The following LOXL2 variants were observed in gnomAD, a reference collection of about 807,000 sequenced individuals.
LOXL2 encodes lysyl oxidase homolog 2.
A neutral mutation model predicts 93.0 loss-of-function variants in LOXL2; 70 were observed. The observed-to-expected ratio is 0.75, with a 90% CI of 0.62 to 0.92. The LOEUF (loss-of-function observed/expected upper bound fraction) is 0.92. Ranked by LOEUF, LOXL2 falls within the 40% of genes least tolerant of loss-of-function variation. The pLI is 0.00. For synonymous variants in LOXL2, 438 were observed against 413.2 expected, an observed-to-expected ratio of 1.06 and a Z score of -0.73; for missense variants, 973 against 1,054.9, an observed-to-expected ratio of 0.92 and a Z score of 1.08.
intron 7 of LOXL2, among the ~76,000 whole-genome samples, chr8:23,321,351 C>T (rs1803494203): frequency 6.6e-6 from 1 of 152,202 alleles, no homozygotes; most frequent in African/African-American, 2.4e-5. Context: ...GGAATCTGGA[C>T]ACTTCATGCA....
intron 9 of LOXL2, among the ~76,000 whole-genome samples, chr8:23,312,768 C>A (rs1803339132): frequency 1.7e-5 from 1 of 58,652 alleles, no homozygotes; most frequent in African/African-American, 5.9e-5. Flanking sequence ...CTCACCACTC[C>A]TATTCAACAT....
At chr8:23,365,492 C>CG (rs1563203041) in intron 2 of LOXL2, 2 of 149,340 alleles carry the variant, frequency 1.3e-5, no homozygotes, top group African/African-American at 2.5e-5. Flanking sequence ...CAGCTTAACT[C>CG]GTAAAGCCGT....
At chr8:23,347,033 A>G (rs969291504) in intron 3 of LOXL2, among the ~76,000 whole-genome samples, 1 of 152,132 alleles carries the variant, frequency 6.6e-6, no homozygotes, top group Non-Finnish European at 1.5e-5. Context: ...TAAAAACAAA[A>G]CAGGGCAGGG....
chr8:23,331,500 G>C (rs1361382043), intron 5 of LOXL2: 2 of 152,236 alleles, frequency 1.3e-5, no homozygotes, highest in African/African-American at 2.4e-5. Context: ...ACCTGGCACA[G>C]GGCATCAGCC....
intron 2 of LOXL2, among the ~76,000 whole-genome samples, chr8:23,361,869 A>AAAACAAAC (rs1563202138): frequency 1.9e-4 from 24 of 123,096 alleles, no homozygotes; most frequent in Non-Finnish European, 3.5e-4. Context: ...CAAAACAAAC[A>AAAACAAAC]AAAAAAACAG....
chr8:23,343,971 G>A (rs958886569), intron 3 of LOXL2, among the ~76,000 whole-genome samples: 6 of 152,220 alleles, frequency 3.9e-5, no homozygotes, highest in Admixed American at 2.6e-4. Context: ...CAGGGCAGGC[G>A]GCCCGGGCTG....
Position 23,368,235 on chromosome 8 carries a change from T to C in LOXL2, c.117A>G (p.Gln39=), listed in dbSNP as rs1458016886. The change falls in exon 2 of 14, where the codon CAA becomes CAG. Residue 39 remains glutamine, a synonymous_variant. Coordinates refer to ENST00000389131, the MANE Select transcript of LOXL2 (RefSeq NM_002318.3). ...SWPHYPEYFQ[Q]PAPEYHQPQA... ...GGGGCTGGTGATACTCAGGAGCCGG[T>C]TGCTGGAAGTACTCGGGGTAATGGG... The C allele has an allele frequency of 6.2e-7, 1 of 1,613,826 alleles. No individual in the cohort carries two copies. Among genetic ancestry groups the C allele is most frequent in the African/African-American group, 1.3e-5 (1 of 74,930 alleles).
intron 1 of LOXL2, among the ~76,000 whole-genome samples, chr8:23,397,756 G>A (rs1326378049): frequency 2.0e-5 from 3 of 147,536 alleles, no homozygotes; most frequent in Admixed American, 6.8e-5. Context: ...CCCAGCCTGG[G>A]CAACAGAGCA....
intron 4 of LOXL2, among the ~76,000 whole-genome samples, chr8:23,339,998 T>A (rs922947329): frequency 7.2e-5 from 11 of 152,102 alleles, no homozygotes; most frequent in Non-Finnish European, 1.6e-4. Context: ...TCAAGCCAGG[T>A]CTCCTGACAT....
At chr8:23,301,082 T>C (rs145440057) in intron 12 of LOXL2, among the ~76,000 whole-genome samples, 2 of 152,330 alleles carry the variant, frequency 1.3e-5, no homozygotes, top group African/African-American at 2.4e-5. Flanking sequence ...GAGGACTGTC[T>C]GTAGGTGGGG....
At chr8:23,340,765 G>T (rs192696755) in intron 4 of LOXL2, among the ~76,000 whole-genome samples, 1 of 152,148 alleles carries the variant, frequency 6.6e-6, no homozygotes, top group Non-Finnish European at 1.5e-5. Flanking sequence ...AGGGATTAGG[G>T]TCTATCTCCT....
At chr8:23,337,213 AC>A (rs1398204224) in intron 4 of LOXL2, 1 of 152,342 alleles carries the variant, frequency 6.6e-6, no homozygotes, top group African/African-American at 2.4e-5. Flanking sequence ...TAGGGTCAGC[AC>A]GTCCACCTTG....
chr8:23,345,768 T>C (rs1461618789), intron 3 of LOXL2, among the ~76,000 whole-genome samples: 1 of 152,088 alleles, frequency 6.6e-6, no homozygotes, highest in African/African-American at 2.4e-5. Flanking sequence ...CTAGACTTGC[T>C]AGTTTAAAAT....
rs145349556 is a variant in LOXL2, at chr8:23,333,620, C to T, written c.747G>A (p.Met249Ile). 6.2e-7 allele frequency: 1 copy of T among 1,611,972 alleles called. No homozygotes were observed. Among genetic ancestry groups the T allele is most frequent in the African/African-American group, 1.3e-5 (1 of 74,926 alleles). Reference protein sequence around the residue: ...ERTYNTKVYKMFASRRKQRYW... With the variant: ...ERTYNTKVYKIFASRRKQRYW... ...AGCGCTGCTTCCTCCGTGAGGCAAA[C>T]ATTCTGCAGACGATGGGAGGGGACA... Residue 249 changes from methionine (M) to isoleucine (I), a missense_variant, in exon 5 of 14, where the codon ATG becomes ATA. By Grantham distance (10) the Met-to-Ile change is conservative (BLOSUM62 1). Coordinates refer to ENST00000389131, the MANE Select transcript of LOXL2 (RefSeq NM_002318.3).
chr8:23,360,267 T>C lies in LOXL2; in HGVS notation c.356-2A>G. The C allele has an allele frequency of 6.3e-7, 1 of 1,595,214 alleles. No homozygotes were observed. The highest frequency in any genetic ancestry group is 8.6e-7 in the Non-Finnish European group (1 of 1,165,126). ...GGAGATTGTCTAACCAGATGGGCCC[T>C]GAAGGAGGCAGAGAGGAGAGAAACC... On this transcript the variant is annotated splice_acceptor_variant, in intron 2 of 13. Transcript: ENST00000389131. LOFTEE classifies it high-confidence loss of function.
At chr8:23,304,977 G>T (rs1336783067) in intron 10 of LOXL2, among the ~76,000 whole-genome samples, 2 of 152,166 alleles carry the variant, frequency 1.3e-5, no homozygotes. Flanking sequence ...AAGTTGCTAA[G>T]TTGGGCTTCC....
At chr8:23,380,417 C>G (rs1298183989) in intron 1 of LOXL2, among the ~76,000 whole-genome samples, 2 of 93,936 alleles carry the variant, frequency 2.1e-5, no homozygotes, top group East Asian at 9.0e-4. Flanking sequence ...AAAAAGACAT[C>G]TTAATCTGTG....
chr8:23,402,077 CACAT>C (rs1376754424), intron 1 of LOXL2, among the ~76,000 whole-genome samples: 3 of 145,868 alleles, frequency 2.1e-5, no homozygotes, highest in Admixed American at 1.3e-4. Context: ...CGCGCACACA[CACAT>C]ACACATGCAA....
chr8:23,349,090 G>A lies in LOXL2; in HGVS notation c.532-7887C>T, dbSNP rs77013970. Among the ~76,000 whole-genome samples the A allele has an allele frequency of 8.8e-3, 1,338 of 152,042 alleles. 32 individuals carry two copies. Among genetic ancestry groups the A allele is most frequent in the Admixed American group, 0.048 (730 of 15,266 alleles). On this transcript the variant is annotated intron_variant, in intron 3 of 13. Transcript: ENST00000389131. ...GACCCTCTCTCTTCTTCACTCATGC[G>A]CCCATTAAGCCCTAGCCAGACCTTC... is the stretch of plus-strand genomic sequence containing the variant.
Sources: allele counts gnomAD v4.1 joint callset (sites outside exome capture counted in the v4.1 genomes callset), GRCh38; gene constraint gnomAD v4.1.1; transcripts MANE v1.5; gene names NCBI Gene and HGNC (gene_info 2026-07-23, HGNC 2026-07-21).